The following LIN7C variants were observed in gnomAD, a reference collection of about 807,000 sequenced individuals.
LIN7C encodes the protein lin-7 cell polarity scaffold C.
LIN7C carries 17 observed loss-of-function variants against 24.7 expected under a neutral mutation model. The observed-to-expected ratio is 0.69, with a 90% CI of 0.47 to 1.03. The LOEUF (loss-of-function observed/expected upper bound fraction) is 1.03, where lower values mean the gene tolerates loss of function less well. Ranked by LOEUF, LIN7C falls within the 50% of genes least tolerant of loss-of-function variation. The pLI is 0.00. For missense variants in LIN7C, 204 were observed against 239.0 expected, an observed-to-expected ratio of 0.85 and a Z score of 0.97; for synonymous variants, 90 against 83.4, an observed-to-expected ratio of 1.08 and a Z score of -0.43.
chr11:27,498,454 T>C lies in LIN7C; in HGVS notation c.*195A>G, dbSNP rs1271346678. On this transcript the variant is annotated 3_prime_UTR_variant, in exon 5 of 5. Coordinates refer to ENST00000278193, the MANE Select transcript of LIN7C (RefSeq NM_018362.4). ...GAATTGCCCTCATCACCTTTTACTT[T>C]TTCTTGTCAGAAAAAAGTGTATGCA... The C allele has an allele frequency of 3.8e-6, 2 of 531,112 alleles. No homozygotes were observed. The highest frequency in any genetic ancestry group is 3.9e-5 in the African/African-American group (2 of 50,818). 32.9% of individuals were successfully genotyped at this position (531,112 alleles called of 1,614,324 possible).
In LIN7C at chr11:27,497,518, G is replaced by A. The variant is rs1865183969; in HGVS notation, c.*1131C>T. 6.6e-6 allele frequency: 1 copy of A among 152,446 alleles called. No individual in the cohort carries two copies. The highest frequency in any genetic ancestry group is 2.4e-5 in the African/African-American group (1 of 41,424). The allele number at this position is 152,446 out of a possible 1,614,324, so 9.4% of individuals were successfully genotyped here. A position where few individuals can be genotyped will look rare whatever the true frequency, so the allele number is the denominator to read the frequency against. On this transcript the variant is annotated 3_prime_UTR_variant, in exon 5 of 5. Coordinates refer to ENST00000278193, the MANE Select transcript of LIN7C (RefSeq NM_018362.4). ...CATATTTGAATCATAAACAAAAGTTGCCTCTTTAAATCCAACAATTTTAGT... is the reference window on the plus strand; with the variant it reads ...CATATTTGAATCATAAACAAAAGTTACCTCTTTAAATCCAACAATTTTAGT...
chr11:27,498,646 G>C lies in LIN7C; in HGVS notation c.*3C>G. ...AAAATGAAATATCAAGTTTTGAAAT[G>C]TATTAGGTCTGTTGCCTGCGTTTTG... On this transcript the variant is annotated 3_prime_UTR_variant, in exon 5 of 5. Coordinates refer to ENST00000278193, the MANE Select transcript of LIN7C (RefSeq NM_018362.4). The C allele has an allele frequency of 1.9e-6, 3 of 1,612,718 alleles. No individual in the cohort carries two copies. The highest frequency in any genetic ancestry group is 8.5e-7 in the Non-Finnish European group (1 of 1,179,536).
chr11:27,496,971 T>C lies in LIN7C; in HGVS notation c.*1678A>G, dbSNP rs1275836078. 2 of 152,596 alleles carry C rather than the reference T, an allele frequency of 1.3e-5. No homozygotes were observed. The highest frequency in any genetic ancestry group is 1.5e-5 in the Non-Finnish European group (1 of 67,986). 9.5% of individuals were successfully genotyped at this position (152,596 alleles called of 1,614,324 possible). A position where few individuals can be genotyped will look rare whatever the true frequency, so the allele number is the denominator to read the frequency against. Reference sequence around the variant, plus strand: ...TAATTTTACAATTAAATTAAGTCCATACTTCTATACTACTTTGGTCTCAAC... The same window carrying C: ...TAATTTTACAATTAAATTAAGTCCACACTTCTATACTACTTTGGTCTCAAC... On this transcript the variant is annotated 3_prime_UTR_variant, in exon 5 of 5. Coordinates refer to ENST00000278193, the MANE Select transcript of LIN7C (RefSeq NM_018362.4).
chr11:27,499,911 G>A (rs372640718), intron 3 of LIN7C, among the ~76,000 whole-genome samples: 1 of 152,218 alleles, frequency 6.6e-6, no homozygotes, highest in South Asian at 2.1e-4. Context: ...ACAGGCGTGA[G>A]CCACTGCGCC....
chr11:27,503,216 C>T (rs1396854910), intron 1 of LIN7C, among the ~76,000 whole-genome samples: 5 of 152,188 alleles, frequency 3.3e-5, no homozygotes, highest in African/African-American at 1.2e-4. Flanking sequence ...GGAATTCTCA[C>T]TGAGAAGTGT....
At chr11:27,499,641 G>A (rs560504319) in intron 3 of LIN7C, 73 bp from the exon 4 acceptor site, 66 of 1,349,552 alleles carry the variant, frequency 4.9e-5, no homozygotes, top group South Asian at 2.0e-4. Flanking sequence ...GTTTCCCCCC[G>A]AGATGGAGTC....
At chr11:27,500,149 C>T (rs959098707) in intron 3 of LIN7C, among the ~76,000 whole-genome samples, 17 of 152,180 alleles carry the variant, frequency 1.1e-4, no homozygotes, top group South Asian at 6.2e-4. Context: ...GTCCTGTATG[C>T]GCAGGGCTTG....
chr11:27,497,662 G>A lies in LIN7C; in HGVS notation c.*987C>T, dbSNP rs1295672585. 6.6e-6 allele frequency: 1 copy of A among 151,884 alleles called. No homozygotes were observed. Among genetic ancestry groups the A allele is most frequent in the Non-Finnish European group, 1.5e-5 (1 of 67,900 alleles). 9.4% of individuals were successfully genotyped at this position (151,884 alleles called of 1,614,324 possible). ...CTATTTAAAATCAATTATTTAAATT[G>A]AGCTAGTAAGAATGTCTACTCTTGA... On this transcript the variant is annotated 3_prime_UTR_variant, in exon 5 of 5. Transcript: ENST00000278193.
At chr11:27,498,868 CA>C in intron 4 of LIN7C, 64 bp from the exon 5 acceptor site, 1 of 1,404,694 alleles carries the variant, frequency 7.1e-7, no homozygotes, top group South Asian at 1.2e-5. Context: ...ACTCAAAATG[CA>C]AAAATGTTTA....
rs1419448077 is a variant in LIN7C at position 27,501,350 on chromosome 11, T to TTA, written c.228+143_228+144dup. 336 of 611,918 alleles carry TTA rather than the reference T, an allele frequency of 5.5e-4. 6 individuals are homozygous for TTA. The highest frequency in any genetic ancestry group is 4.4e-3 in the South Asian group (216 of 49,470). The allele number at this position is 611,918 out of a possible 1,614,324, so 37.9% of individuals were successfully genotyped here. ...TGTAAAGGCAATAGAAACAAATGTC[T>TTA]TATTTCTTAGTACTTGAGAAATTTG... On this transcript the variant is annotated intron_variant, in intron 3 of 4. Coordinates refer to ENST00000278193, the MANE Select transcript of LIN7C (RefSeq NM_018362.4).
At position 27,494,569 on chromosome 11, in the gene LIN7C, G is replaced by A. The variant is rs1425555878; in HGVS notation, c.*4080C>T. 1 of 152,028 alleles carries A rather than the reference G, an allele frequency of 6.6e-6. No individual in the cohort carries two copies. Among genetic ancestry groups the A allele is most frequent in the African/African-American group, 2.4e-5 (1 of 41,384 alleles). The allele number at this position is 152,028 out of a possible 1,614,324, so 9.4% of individuals were successfully genotyped here. On this transcript the variant is annotated 3_prime_UTR_variant, in exon 5 of 5. Transcript: ENST00000278193. ...TCAACTTTTTTCAAATCCAAAGAAC[G>A]AGGACATAACTCATACAAATTTATT...
At chr11:27,498,924 C>T in intron 4 of LIN7C, 120 bp from the exon 5 acceptor site, 1 of 805,332 alleles carries the variant, frequency 1.2e-6, no homozygotes, top group Non-Finnish European at 2.0e-6. Context: ...ATTATTCCAA[C>T]ATTACAAAAC....
intron 1 of LIN7C, among the ~76,000 whole-genome samples, 177 bp downstream of exon 1, chr11:27,506,539 A>C (rs1362040713): frequency 6.6e-6 from 1 of 152,210 alleles, no homozygotes; most frequent in African/African-American, 2.4e-5. Context: ...GTTAACAGAC[A>C]AAATACCGTA....
intron 1 of LIN7C, among the ~76,000 whole-genome samples, chr11:27,503,782 G>A (rs772756315): frequency 6.6e-6 from 1 of 151,384 alleles, no homozygotes; most frequent in South Asian, 2.1e-4. Flanking sequence ...AAGGTGCTGG[G>A]ATTACAGGCT....
rs2133495522 is a variant in LIN7C at position 27,506,761 on chromosome 11, T to G, written c.-9A>C. ...TCCCCTAGCGCCGCCATCTTCTCCC[T>G]TAACCTACAGACCCACAGGAAATGA... On this transcript the variant is annotated 5_prime_UTR_variant, in exon 1 of 5. Coordinates refer to ENST00000278193, the MANE Select transcript of LIN7C (RefSeq NM_018362.4). 1 of 1,614,068 alleles carries G rather than the reference T, an allele frequency of 6.2e-7. No homozygotes were observed. The highest frequency in any genetic ancestry group is 1.1e-5 in the South Asian group (1 of 91,076).
intron 1 of LIN7C, among the ~76,000 whole-genome samples, chr11:27,505,625 T>A (rs78533528): frequency 1.3e-5 from 2 of 152,272 alleles, no homozygotes; most frequent in East Asian, 3.9e-4. Flanking sequence ...TAAGTGCACA[T>A]TTGTTTGTGG....
chr11:27,501,483 A>G lies in LIN7C; in HGVS notation c.228+12T>C. ...TGAAGAATTCTTACTTTTGGAAAAC[A>G]AAAAAATTTACCTTTGCAGTAGCGT... On this transcript the variant is annotated intron_variant, in intron 3 of 4. Transcript: ENST00000278193. 6.4e-7 allele frequency: 1 copy of G among 1,558,258 alleles called. No homozygotes were observed. The highest frequency in any genetic ancestry group is 1.4e-5 in the African/African-American group (1 of 72,758).
chr11:27,506,032 T>C (rs1159374002), intron 1 of LIN7C, among the ~76,000 whole-genome samples: 1 of 152,226 alleles, frequency 6.6e-6, no homozygotes, highest in Non-Finnish European at 1.5e-5. Flanking sequence ...CTTGACAGTC[T>C]GCTCTAGGAA....
chr11:27,502,853 T>C (rs1304063478), intron 1 of LIN7C, among the ~76,000 whole-genome samples: 1 of 152,240 alleles, frequency 6.6e-6, no homozygotes, highest in Non-Finnish European at 1.5e-5. Flanking sequence ...GGCTTATGCC[T>C]GTAATCCCAG....
Sources: allele counts gnomAD v4.1 joint callset (sites outside exome capture counted in the v4.1 genomes callset), GRCh38; gene constraint gnomAD v4.1.1; transcripts MANE v1.5; gene names NCBI Gene and HGNC (gene_info 2026-07-23, HGNC 2026-07-21).